The following NFAT5 variants were observed in gnomAD, a reference collection of about 807,000 sequenced individuals.
NFAT5 encodes the protein nuclear factor of activated T-cells 5.
In NFAT5, 31 loss-of-function variants were observed where a neutral mutation model predicts 166.5. That is an observed-to-expected ratio of 0.19 (90% CI 0.14 to 0.25). NFAT5 has a LOEUF of 0.25. Ranked by LOEUF, NFAT5 falls within the 10% of genes least tolerant of loss-of-function variation. The pLI is 1.00. For synonymous variants in NFAT5, 612 were observed against 639.7 expected (o/e 0.96, Z 0.65); for missense variants, 1,449 against 1,821.8 (o/e 0.80, Z 3.72).
At chr16:69,620,001 A>G (rs866207655) in intron 2 of NFAT5, among the ~76,000 whole-genome samples, 24 of 152,372 alleles carry the variant, frequency 1.6e-4, no homozygotes, top group Middle Eastern at 6.8e-3. Context: ...ACCCAGAAAT[A>G]ATCAGTGACA....
At chr16:69,574,902 C>A (rs964698333) in intron 2 of NFAT5, among the ~76,000 whole-genome samples, 1 of 151,978 alleles carries the variant, frequency 6.6e-6, no homozygotes, top group Non-Finnish European at 1.5e-5. Flanking sequence ...GAACTCCTGA[C>A]CTCGGGTGAT....
chr16:69,691,665 T>C, intron 12 of NFAT5, 84 bp from the exon 13 acceptor site: 1 of 1,069,004 alleles, frequency 9.4e-7, no homozygotes, highest in Non-Finnish European at 1.4e-6. Flanking sequence ...CATATATTTT[T>C]AGAGCAATAG....
At chr16:69,687,391 A>C (rs985540167) in intron 11 of NFAT5, among the ~76,000 whole-genome samples, 2 of 150,018 alleles carry the variant, frequency 1.3e-5, no homozygotes, top group Non-Finnish European at 3.0e-5. Flanking sequence ...TAGTGAGCCC[A>C]GATTGAGCCA....
intron 2 of NFAT5, among the ~76,000 whole-genome samples, chr16:69,594,581 A>C (rs954135126): frequency 6.6e-6 from 1 of 152,204 alleles, no homozygotes; most frequent in African/African-American, 2.4e-5. Context: ...TTATGATCTT[A>C]TGGCACCACT....
rs3037496 is a variant in NFAT5 at position 69,592,080 on chromosome 16, C to CTTT, written c.127+23547_127+23549dup. Reference sequence around the variant, plus strand: ...AAAAGGAAAATGATAATTACTTTTTCTTTTTTTTTTTTTTTTTGAGAAGGA... The same window carrying CTTT: ...AAAAGGAAAATGATAATTACTTTTTCTTTTTTTTTTTTTTTTTTTTGAGAAGGA... On this transcript the variant is annotated intron_variant, in intron 2 of 14. Coordinates refer to ENST00000349945, the MANE Select transcript of NFAT5 (RefSeq NM_138713.4). 3.5e-4 allele frequency among the ~76,000 whole-genome samples: 41 copies of CTTT among 118,118 alleles called. 1 individual carries two copies. The highest frequency in any genetic ancestry group is 5.3e-4 in the Non-Finnish European group (32 of 60,388). The allele number at this position is 118,118 out of a possible 152,430, so 77.5% of individuals were successfully genotyped here.
intron 2 of NFAT5, among the ~76,000 whole-genome samples, chr16:69,609,739 G>T (rs764459181): frequency 6.8e-6 from 1 of 147,348 alleles, no homozygotes; most frequent in Non-Finnish European, 1.5e-5. Context: ...CCGGCACTTC[G>T]AGAGGCCAAG....
chr16:69,694,235 A>G lies in NFAT5; in HGVS notation c.4410A>G (p.Gln1470=), dbSNP rs982512384. 3.1e-5 allele frequency: 50 copies of G among 1,599,896 alleles called. No individual in the cohort carries two copies. Among genetic ancestry groups the G allele is most frequent in the Non-Finnish European group, 4.1e-5 (48 of 1,174,010 alleles). ...QTSGMFLFGI[Q]NNCSQLLTSG... ...CAGGAATGTTCTTATTTGGCATTCA[A>G]AATAGTAAGAAACTCTAATTTTTCA... The change falls in exon 13 of 15, where the codon CAA becomes CAG. Residue 1470 remains glutamine, a synonymous_variant. Coordinates refer to ENST00000349945, the MANE Select transcript of NFAT5 (RefSeq NM_138713.4).
chr16:69,634,286 A>AG (rs1331896239), intron 3 of NFAT5, among the ~76,000 whole-genome samples: 1 of 151,850 alleles, frequency 6.6e-6, no homozygotes, highest in African/African-American at 2.4e-5. Context: ...ACAAAAAAAA[A>AG]AAAAAAAAAA....
chr16:69,596,636 T>G (rs1433196945), intron 2 of NFAT5, among the ~76,000 whole-genome samples: 2 of 151,596 alleles, frequency 1.3e-5, no homozygotes, highest in Non-Finnish European at 2.9e-5. Flanking sequence ...GAGAATCGCT[T>G]GAACCCGGGA....
chr16:69,569,626 A>G (rs1192402672), intron 2 of NFAT5, among the ~76,000 whole-genome samples: 2 of 152,190 alleles, frequency 1.3e-5, no homozygotes, highest in African/African-American at 2.4e-5. Flanking sequence ...AAACTTTAAT[A>G]TTCTTCCTGT....
At chr16:69,670,765 C>G (rs1042309943) in intron 9 of NFAT5, among the ~76,000 whole-genome samples, 1 of 152,120 alleles carries the variant, frequency 6.6e-6, no homozygotes, top group African/African-American at 2.4e-5. Context: ...AAACAAGGAT[C>G]AAGACCTGAC....
intron 3 of NFAT5, among the ~76,000 whole-genome samples, chr16:69,633,200 T>C (rs1190344566): frequency 6.6e-6 from 1 of 152,212 alleles, no homozygotes; most frequent in African/African-American, 2.4e-5. Flanking sequence ...CTTTTATAAA[T>C]ATTGTGATTT....
At chr16:69,632,361 T>G (rs2034757404) in intron 3 of NFAT5, 1 of 152,202 alleles carries the variant, frequency 6.6e-6, no homozygotes, top group Admixed American at 6.5e-5. Flanking sequence ...CTTTTTTCTT[T>G]TACCTAGTTC....
intron 10 of NFAT5, among the ~76,000 whole-genome samples, chr16:69,682,993 C>T (rs2037132972): frequency 6.6e-6 from 1 of 152,118 alleles, no homozygotes. Context: ...GGGCAGATCA[C>T]CTGAGGTCAG....
In NFAT5 at chr16:69,693,496, A is replaced by T. The variant is rs1417706437; in HGVS notation, c.3671A>T (p.Gln1224Leu). The T allele has an allele frequency of 1.2e-6, 2 of 1,614,056 alleles. No individual in the cohort carries two copies. The highest frequency in any genetic ancestry group is 1.7e-6 in the Non-Finnish European group (2 of 1,180,048). Residue 1224 changes from glutamine to leucine, a missense_variant, in exon 13 of 15, where the codon CAG becomes CTG. Coordinates refer to ENST00000349945, the MANE Select transcript of NFAT5 (RefSeq NM_138713.4). The part of the protein sequence containing the change: ...LSQEQAQPPQ[Q>L]GLFQPQVALG... ...CAAGAACAGGCACAACCCCCGCAGCAGGGTTTATTTCAGCCTCAGGTGGCC... is the reference window on the plus strand; with the variant it reads ...CAAGAACAGGCACAACCCCCGCAGCTGGGTTTATTTCAGCCTCAGGTGGCC...
At chr16:69,575,549 T>C (rs1432142677) in intron 2 of NFAT5, among the ~76,000 whole-genome samples, 3 of 152,022 alleles carry the variant, frequency 2.0e-5, no homozygotes, top group Non-Finnish European at 4.4e-5. Flanking sequence ...CAAGGCTGCA[T>C]TGAGCCTGCA....
rs200979203 is a variant in NFAT5 at position 69,690,920 on chromosome 16, T to G, written c.1775-20T>G. On this transcript the variant is annotated intron_variant, in intron 11 of 14. Transcript: ENST00000349945. ...ATTTTGTGATTTTAAACTTTTCTTT[T>G]TGTGTGTGTGTATATGCAGCAATGA... 5.4e-5 allele frequency: 79 copies of G among 1,453,254 alleles called. No homozygotes were observed. In the East Asian group the frequency reaches 5.8e-4, roughly 11 times the overall value. The allele number at this position is 1,453,254 out of a possible 1,614,324, so 90.0% of individuals were successfully genotyped here.
intron 7 of NFAT5, among the ~76,000 whole-genome samples, chr16:69,664,993 C>T (rs535886305): frequency 6.6e-6 from 1 of 152,290 alleles, no homozygotes; most frequent in East Asian, 1.9e-4. Context: ...CGCCACTGCA[C>T]TCCAGCCTGG....
chr16:69,685,464 T>G (rs2151704453), intron 11 of NFAT5: 1 of 151,754 alleles, frequency 6.6e-6, no homozygotes, highest in Admixed American at 6.6e-5. Context: ...GGAGAATCTC[T>G]TTAATCTGGG....
Sources: gnomAD v4.1 joint callset for allele counts (sites outside exome capture counted in the v4.1 genomes callset) on GRCh38, gnomAD v4.1.1 for gene constraint, MANE v1.5 for transcripts, NCBI Gene and HGNC (gene_info 2026-07-23, HGNC 2026-07-21) for gene names.